The following ITPR1 variants were observed in gnomAD, a reference collection of about 807,000 sequenced individuals.
ITPR1 encodes inositol 1,4,5-trisphosphate-gated calcium channel ITPR1.
Under a neutral mutation model 318.4 loss-of-function variants are expected in ITPR1, and 96 were observed. The ratio of observed to expected loss-of-function variants is 0.30; its 90% CI spans 0.26 to 0.36. The LOEUF (loss-of-function observed/expected upper bound fraction) is 0.36. Among genes scored for constraint, ITPR1 ranks in the 10% least tolerant of loss-of-function variants. The probability of loss-of-function intolerance (pLI) is 1.00; values close to 1 mark genes in which losing one functional copy is unlikely to be tolerated. For missense variants in ITPR1, 2,440 were observed against 3,460.2 expected (o/e 0.71, Z 7.40); for synonymous variants, 1,312 against 1,289.9 (o/e 1.02, Z -0.37).
chr3:4,806,141 C>T lies in ITPR1; in HGVS notation c.7146C>T (p.Gly2382=), dbSNP rs556259108. 6.2e-7 allele frequency: 1 copy of T among 1,613,756 alleles called. No homozygotes were observed. The highest frequency in any genetic ancestry group is 2.2e-5 in the East Asian group (1 of 44,878). ...TCATCTTTCTAATGAGCTTTGTGGG[C>T]AACTGTGGGACATTCACAAGAGGCT... ...NKIIFLMSFV[G]NCGTFTRGYR... The change falls in exon 55 of 62, where the codon GGC becomes GGT. Residue 2382 remains glycine, a synonymous_variant. Transcript: ENST00000649015.
intron 61 of ITPR1, among the ~76,000 whole-genome samples, chr3:4,839,877 T>G (rs1216102434): frequency 6.6e-6 from 1 of 152,166 alleles, no homozygotes; most frequent in East Asian, 1.9e-4. Context: ...CCTTCCCCTG[T>G]GAATGAATTT....
intron 40 of ITPR1, among the ~76,000 whole-genome samples, chr3:4,724,686 G>A (rs981816238): frequency 5.3e-5 from 8 of 152,160 alleles, no homozygotes; most frequent in Non-Finnish European, 8.8e-5. Flanking sequence ...GCAGATTCAC[G>A]GCACTGTCTG....
chr3:4,733,294 C>G (rs746343600), intron 43 of ITPR1, 74 bp downstream of exon 43: 23 of 1,541,078 alleles, frequency 1.5e-5, no homozygotes, highest in Non-Finnish European at 2.0e-5. Context: ...TTCCTCCTAA[C>G]AGGTTGAAAT....
intron 34 of ITPR1, 132 bp downstream of exon 34, chr3:4,697,404 T>C: frequency 1.2e-6 from 1 of 808,464 alleles, no homozygotes; most frequent in Non-Finnish European, 1.8e-6. Flanking sequence ...TCTACTCTAA[T>C]CCGTGGCATG....
At chr3:4,626,502 A>T (rs940549323) in intron 4 of ITPR1, among the ~76,000 whole-genome samples, 10 of 152,146 alleles carry the variant, frequency 6.6e-5, no homozygotes, top group African/African-American at 1.9e-4. Context: ...CTCTAAGGGA[A>T]GGGTTGGTTC....
chr3:4,714,599 T>G (rs950342397), intron 39 of ITPR1, among the ~76,000 whole-genome samples: 1 of 152,214 alleles, frequency 6.6e-6, no homozygotes, highest in African/African-American at 2.4e-5. Flanking sequence ...CCCAAATCCC[T>G]GTGAGGTGTC....
At chr3:4,669,856 C>G in intron 19 of ITPR1, 83 bp downstream of exon 19, 1 of 1,307,928 alleles carries the variant, frequency 7.6e-7, no homozygotes, top group Non-Finnish European at 1.0e-6. Context: ...CTAGCCCTAT[C>G]ATTTTTTGAG....
At position 4,706,254 on chromosome 3, in the gene ITPR1, C is replaced by T. The variant is rs2094754417; in HGVS notation, c.4745C>T (p.Thr1582Ile). Residue 1582 changes from threonine to isoleucine, a missense_variant, in exon 37 of 62, where the codon ACA (threonine) becomes ATA (isoleucine). Transcript: ENST00000649015. ...FLKSHSIVQK[T>I]AMNWRLSARN... ...AAGTCCCACAGCATTGTGCAGAAAACAGCCATGAACTGGCGGCTCTCAGCC... is the reference window on the plus strand; with the variant it reads ...AAGTCCCACAGCATTGTGCAGAAAATAGCCATGAACTGGCGGCTCTCAGCC... 1.2e-6 allele frequency: 2 copies of T among 1,613,946 alleles called. No individual in the cohort carries two copies.
intron 4 of ITPR1, among the ~76,000 whole-genome samples, chr3:4,575,122 C>T (rs2088492053): frequency 1.3e-5 from 2 of 152,178 alleles, no homozygotes; most frequent in South Asian, 4.1e-4. Context: ...CTTAGGAAAA[C>T]AAACCAACCA....
intron 55 of ITPR1, 136 bp from the exon 56 acceptor site, chr3:4,811,129 T>G (rs1035840691): frequency 8.7e-6 from 4 of 460,878 alleles, no homozygotes; most frequent in Non-Finnish European, 3.7e-6. Context: ...AGGGAAGATG[T>G]TCAGTGTTAA....
chr3:4,727,871 C>G (rs112304088), intron 42 of ITPR1, among the ~76,000 whole-genome samples: 60 of 152,296 alleles, frequency 3.9e-4, no homozygotes, highest in African/African-American at 1.4e-3. Context: ...CCACCATGCC[C>G]AGCCCCACTA....
intron 61 of ITPR1, among the ~76,000 whole-genome samples, chr3:4,837,738 C>T (rs1300773716): frequency 6.6e-6 from 1 of 152,150 alleles, no homozygotes; most frequent in Non-Finnish European, 1.5e-5. Flanking sequence ...GAACATGCCA[C>T]AGTCACCAGG....
chr3:4,775,453 T>G lies in ITPR1; in HGVS notation c.6180+11T>G, dbSNP rs772860677. On this transcript the variant is annotated intron_variant, in intron 47 of 61. Coordinates refer to ENST00000649015, the MANE Select transcript of ITPR1 (RefSeq NM_001378452.1). ...TGCCATGAGAACCAGGTAATTAAAT[T>G]TCTGTTTTGGGATGGGGAAAAAAAG... The G allele has an allele frequency of 2.5e-6, 4 of 1,602,808 alleles. No homozygotes were observed. The Middle Eastern group carries it at 5.0e-4, about 199-fold the overall frequency.
chr3:4,794,041 T>C (rs907942797), intron 52 of ITPR1, among the ~76,000 whole-genome samples: 2 of 152,146 alleles, frequency 1.3e-5, no homozygotes, highest in Non-Finnish European at 1.5e-5. Context: ...AAAAGAAATA[T>C]ACGATCGAGA....
chr3:4,763,987 T>G (rs1053945918), intron 44 of ITPR1, among the ~76,000 whole-genome samples: 4 of 152,228 alleles, frequency 2.6e-5, no homozygotes, highest in African/African-American at 9.6e-5. Flanking sequence ...GCTGCTTCCA[T>G]GCCATGAGAA....
intron 4 of ITPR1, among the ~76,000 whole-genome samples, chr3:4,607,219 C>T (rs909418154): frequency 6.6e-6 from 1 of 151,994 alleles, no homozygotes; most frequent in Non-Finnish European, 1.5e-5. Context: ...AGTCTCAGAC[C>T]CCACCCAGAC....
rs372507608 is a variant in ITPR1 at position 4,603,436 on chromosome 3, G to C, written c.164-24327G>C. ...TCTTTTCTTTTTTATTTTTGGTTTT[G>C]TTTTTGTTTTTGAGACAGAGTCTCC... On this transcript the variant is annotated intron_variant, in intron 4 of 61. Transcript: ENST00000649015. Among the ~76,000 whole-genome samples the C allele has an allele frequency of 9.9e-5, 15 of 151,904 alleles. 1 individual carries two copies. Among genetic ancestry groups the C allele is most frequent in the African/African-American group, 3.6e-4 (15 of 41,448 alleles).
chr3:4,714,702 T>C (rs1053958835), intron 39 of ITPR1, among the ~76,000 whole-genome samples: 1 of 152,358 alleles, frequency 6.6e-6, no homozygotes, highest in East Asian at 1.9e-4. Context: ...TGACGAGACG[T>C]AGGTACCTTT....
intron 60 of ITPR1, among the ~76,000 whole-genome samples, chr3:4,821,583 A>G (rs2049723265): frequency 1.3e-5 from 2 of 152,224 alleles, no homozygotes; most frequent in South Asian, 4.1e-4. Context: ...CGAGTCATGA[A>G]TGAAAGAGGT....
Sources: gnomAD v4.1 joint callset for allele counts (sites outside exome capture counted in the v4.1 genomes callset) on GRCh38, gnomAD v4.1.1 for gene constraint, MANE v1.5 for transcripts, NCBI Gene and HGNC (gene_info 2026-07-23, HGNC 2026-07-21) for gene names.